Variants in SGCZ observed in about 807,000 individuals in gnomAD.
The protein encoded by SGCZ is zeta-sarcoglycan.
In SGCZ, 40 loss-of-function variants were observed where a neutral mutation model predicts 41.3. The observed-to-expected ratio is 0.97, with a 90% confidence interval of 0.75 to 1.26. The LOEUF (loss-of-function observed/expected upper bound fraction) is 1.26. SGCZ is among the 50% of genes most tolerant of loss of function. The probability of loss-of-function intolerance (pLI) is 0.00; values close to 1 mark genes in which losing one functional copy is unlikely to be tolerated. For synonymous variants in SGCZ, 206 were observed against 137.5 expected (o/e 1.50, Z -3.49); for missense variants, 552 against 369.8 (o/e 1.49, Z -4.04).
At chr8:14,128,815 T>A (rs922467024) in intron 5 of SGCZ, among the ~76,000 whole-genome samples, 3 of 151,998 alleles carry the variant, frequency 2.0e-5, no homozygotes, top group Non-Finnish European at 4.4e-5. Context: ...CTGAAGGTGA[T>A]CATCATAAAT....
intron 1 of SGCZ, among the ~76,000 whole-genome samples, chr8:14,912,456 T>A (rs184846952): frequency 6.6e-6 from 1 of 152,200 alleles, no homozygotes; most frequent in African/African-American, 2.4e-5. Context: ...TGTTGAGAAC[T>A]ATACATATTT....
chr8:14,599,577 T>C (rs1805521772), intron 1 of SGCZ, among the ~76,000 whole-genome samples: 1 of 152,192 alleles, frequency 6.6e-6, no homozygotes. Context: ...AGCCCCTTCT[T>C]GTTCTCCTGG....
At chr8:14,720,177 A>G (rs529879041) in intron 1 of SGCZ, among the ~76,000 whole-genome samples, 1 of 152,164 alleles carries the variant, frequency 6.6e-6, no homozygotes, top group East Asian at 1.9e-4. Context: ...TCAAAAAAAT[A>G]CCTACTTGAT....
At chr8:14,381,384 G>A (rs1219497368) in intron 2 of SGCZ, among the ~76,000 whole-genome samples, 2 of 152,050 alleles carry the variant, frequency 1.3e-5, no homozygotes, top group African/African-American at 4.8e-5. Flanking sequence ...ATTAATAATG[G>A]GGTGTCATAA....
chr8:15,196,132 C>A (rs908576793), intron 1 of SGCZ, among the ~76,000 whole-genome samples: 11 of 134,082 alleles, frequency 8.2e-5, no homozygotes, highest in African/African-American at 2.8e-4. Flanking sequence ...CTCCTGACCT[C>A]GTGATCCGCC....
chr8:15,060,905 T>C (rs774723053), intron 1 of SGCZ, among the ~76,000 whole-genome samples: 3 of 152,162 alleles, frequency 2.0e-5, no homozygotes, highest in Non-Finnish European at 4.4e-5. Flanking sequence ...CTTGGCTGGA[T>C]TGCTTCGATA....
intron 1 of SGCZ, among the ~76,000 whole-genome samples, chr8:14,714,255 C>T (rs907214654): frequency 2.6e-5 from 4 of 152,104 alleles, no homozygotes; most frequent in Non-Finnish European, 5.9e-5. Flanking sequence ...GCATGAGCCA[C>T]CGTGTCCGAC....
intron 2 of SGCZ, among the ~76,000 whole-genome samples, chr8:14,479,729 T>TTA: frequency 1.1e-4 from 4 of 35,984 alleles, no homozygotes; most frequent in African/African-American, 1.6e-4. Context: ...AGAATTCTAC[T>TTA]TCTTTTTTTT....
intron 2 of SGCZ, among the ~76,000 whole-genome samples, chr8:14,543,239 T>C (rs1380188308): frequency 1.3e-5 from 2 of 152,126 alleles, no homozygotes; most frequent in Non-Finnish European, 2.9e-5. Context: ...AGTGTGATTA[T>C]ATACTTTGAC....
At chr8:14,623,163 C>A (rs13269454) in intron 1 of SGCZ, among the ~76,000 whole-genome samples, 1 of 151,972 alleles carries the variant, frequency 6.6e-6, no homozygotes, top group Non-Finnish European at 1.5e-5. Context: ...AGCACATATA[C>A]ATCGGAAGGC....
At chr8:14,741,060 A>G (rs745841081) in intron 1 of SGCZ, among the ~76,000 whole-genome samples, 2 of 152,082 alleles carry the variant, frequency 1.3e-5, no homozygotes, top group African/African-American at 2.4e-5. Context: ...CAGGTGAGGG[A>G]ACAAAGGTTT....
Position 14,978,190 on chromosome 8 carries a change from G to C in SGCZ, c.39+259395C>G, listed in dbSNP as rs530210944. Among the ~76,000 whole-genome samples the C allele has an allele frequency of 2.0e-4, 31 of 151,760 alleles. No individual in the cohort carries two copies. The East Asian group carries it at 6.0e-3, about 30-fold the overall frequency. ...TCTTTAAAAATTGTGCCTGCTGGCC[G>C]GGTGTGGTGGCTCACACCTGTAATC... On this transcript the variant is annotated intron_variant, in intron 1 of 7. Coordinates refer to ENST00000382080, the MANE Select transcript of SGCZ (RefSeq NM_139167.4).
Position 14,534,656 on chromosome 8 carries a change from G to A in SGCZ, c.234+20076C>T, listed in dbSNP as rs892891193. ...GGAGGAGGAACCTTAATCAAAACTGGCCATCTGCCTTAATGGGAGGGAAAG... is the reference window on the plus strand; with the variant it reads ...GGAGGAGGAACCTTAATCAAAACTGACCATCTGCCTTAATGGGAGGGAAAG... On this transcript the variant is annotated intron_variant, in intron 2 of 7. Coordinates refer to ENST00000382080, the MANE Select transcript of SGCZ (RefSeq NM_139167.4). 3.4e-5 allele frequency among the ~76,000 whole-genome samples: 5 copies of A among 148,122 alleles called. No individual in the cohort carries two copies. The East Asian group carries it at 8.0e-4, about 24-fold the overall frequency.
chr8:15,127,998 G>A (rs190636389), intron 1 of SGCZ, among the ~76,000 whole-genome samples: 1 of 152,220 alleles, frequency 6.6e-6, no homozygotes, highest in East Asian at 1.9e-4. Flanking sequence ...AAAGAATATA[G>A]TACGGAAATA....
intron 1 of SGCZ, among the ~76,000 whole-genome samples, chr8:14,693,869 G>T (rs1285041553): frequency 1.3e-5 from 2 of 152,108 alleles, no homozygotes; most frequent in African/African-American, 4.8e-5. Flanking sequence ...TGGGATTATA[G>T]GCCTGAGCCA....
At chr8:14,372,007 T>C (rs1585418024) in intron 2 of SGCZ, among the ~76,000 whole-genome samples, 1 of 152,052 alleles carries the variant, frequency 6.6e-6, no homozygotes, top group Admixed American at 6.6e-5. Context: ...GTAATCTTTA[T>C]ATGCCATGAA....
chr8:15,031,404 A>T (rs1803658179), intron 1 of SGCZ, among the ~76,000 whole-genome samples: 1 of 152,160 alleles, frequency 6.6e-6, no homozygotes, highest in Non-Finnish European at 1.5e-5. Flanking sequence ...TTAATCCCTT[A>T]AGAAGCTTTT....
chr8:14,989,009 G>T (rs761297565), intron 1 of SGCZ, among the ~76,000 whole-genome samples: 272 of 152,188 alleles, frequency 1.8e-3, no homozygotes, highest in Middle Eastern at 3.4e-3. Flanking sequence ...AAAATGAAAA[G>T]CTATTTCATG....
intron 1 of SGCZ, chr8:14,879,287 C>CA (rs1368095161): frequency 6.6e-6 from 1 of 152,034 alleles, no homozygotes; most frequent in Non-Finnish European, 1.5e-5. Flanking sequence ...GTGATTATGC[C>CA]ACCTCACTCC....
Sources: allele counts gnomAD v4.1 joint callset (sites outside exome capture counted in the v4.1 genomes callset), GRCh38; gene constraint gnomAD v4.1.1; transcripts MANE v1.5; gene names NCBI Gene and HGNC (gene_info 2026-07-23, HGNC 2026-07-21).